The following BCKDHA variants were observed in gnomAD, a reference collection of about 807,000 sequenced individuals.
The protein encoded by BCKDHA is 2-oxoisovalerate dehydrogenase subunit alpha, mitochondrial.
In BCKDHA, 43 loss-of-function variants were observed where a neutral mutation model predicts 52.2. That is an observed-to-expected ratio of 0.82 (90% CI 0.64 to 1.06). The LOEUF (loss-of-function observed/expected upper bound fraction) is 1.06. BCKDHA is among the 50% of genes least tolerant of loss of function. The pLI is 0.00. For missense variants in BCKDHA, 527 were observed against 621.3 expected, an observed-to-expected ratio of 0.85 and a Z score of 1.61; for synonymous variants, 234 against 247.9, an observed-to-expected ratio of 0.94 and a Z score of 0.53.
At position 41,410,643 on chromosome 19, in the gene BCKDHA, C is replaced by G. The variant is rs750739703; in HGVS notation, c.115C>G (p.Pro39Ala). The change falls in exon 2 of 9, where the codon CCC becomes GCC. Residue 39 changes from proline to alanine, a missense_variant. By Grantham distance (27) the Pro-to-Ala change is conservative. Coordinates refer to ENST00000269980, the MANE Select transcript of BCKDHA (RefSeq NM_000709.4). ...GARGLARSHP[P>A]RQQQQFSSLD... ...CCTCTGCTCTCTTCCCCAGCACCCC[C>G]CCAGGCAGCAGCAGCAGTTTTCATC... 2 of 1,614,172 alleles carry G rather than the reference C, an allele frequency of 1.2e-6. No individual in the cohort carries two copies. Among genetic ancestry groups the G allele is most frequent in the Non-Finnish European group, 8.5e-7 (1 of 1,180,038 alleles).
intron 1 of BCKDHA, among the ~76,000 whole-genome samples, chr19:41,406,586 TTAGA>T (rs1198800596): frequency 1.3e-5 from 2 of 151,778 alleles, no homozygotes; most frequent in Non-Finnish European, 2.9e-5. Context: ...TTTTTTTTTT[TTAGA>T]TAGAGTCTCA....
Position 41,408,869 on chromosome 19 carries a change from A to C in BCKDHA, c.109-1768A>C, listed in dbSNP as rs374308833. ...TGGGCTCAAGTAATCCTTGAGCCCA[A>C]AGTGTTGGGATTACAGATATGAGCC... is the stretch of plus-strand genomic sequence containing the variant. On this transcript the variant is annotated intron_variant, in intron 1 of 8. Transcript: ENST00000269980. Among the ~76,000 whole-genome samples, 3 of 152,150 alleles carry C rather than the reference A, an allele frequency of 2.0e-5. No homozygotes were observed. The South Asian group carries it at 6.2e-4, about 32-fold the overall frequency.
intron 3 of BCKDHA, among the ~76,000 whole-genome samples, chr19:41,412,070 T>C (rs1388842936): frequency 6.6e-6 from 1 of 152,134 alleles, no homozygotes. Context: ...TTTGTTCCGC[T>C]TTACACATGG....
chr19:41,399,528 A>AT (rs2039113993), intron 1 of BCKDHA: 1 of 151,448 alleles, frequency 6.6e-6, no homozygotes, highest in East Asian at 1.9e-4. Context: ...CCCCTACTTC[A>AT]TTTTTGGTGG....
chr19:41,414,742 G>A (rs768057187), intron 4 of BCKDHA, among the ~76,000 whole-genome samples: 34 of 152,186 alleles, frequency 2.2e-4, no homozygotes, highest in Non-Finnish European at 4.3e-4. Flanking sequence ...GTGCCTGGGA[G>A]CGAAGGAGTG....
In BCKDHA at chr19:41,410,635, AGCACCCCCCCAG is replaced by A. The variant is rs751877248; in HGVS notation, c.111_122del (p.His37_Arg40del). On this transcript the variant is annotated splice_acceptor_variant and coding_sequence_variant, in exon 2 of 9. Transcript: ENST00000269980. LOFTEE classifies it high-confidence loss of function. ...GGTGGTCTCCTCTGCTCTCTTCCCCAGCACCCCCCCAGGCAGCAGCAGCAGTTTTCATCTCTG... is the reference window on the plus strand; with the variant it reads ...GGTGGTCTCCTCTGCTCTCTTCCCCAGCAGCAGCAGCAGTTTTCATCTCTG... The A allele has an allele frequency of 4.3e-6, 7 of 1,613,992 alleles. No homozygotes were observed. Among genetic ancestry groups the A allele is most frequent in the Middle Eastern group, 1.6e-4 (1 of 6,084 alleles).
At chr19:41,418,601 A>C (rs2122133055) in intron 4 of BCKDHA, 1 of 360,110 alleles carries the variant, frequency 2.8e-6, no homozygotes, top group Middle Eastern at 1.0e-3. Flanking sequence ...GCACGATCTC[A>C]GCTGCCTGCA....
intron 5 of BCKDHA, among the ~76,000 whole-genome samples, chr19:41,421,312 A>G (rs1002002978): frequency 2.0e-5 from 3 of 152,146 alleles, no homozygotes; most frequent in Non-Finnish European, 4.4e-5. Flanking sequence ...GGAGACGGAC[A>G]GTAACAGAGA....
intron 4 of BCKDHA, chr19:41,418,723 A>G (rs1413193348): frequency 2.4e-6 from 1 of 411,274 alleles, no homozygotes; most frequent in Non-Finnish European, 4.7e-6. Flanking sequence ...TTTTTTTTGT[A>G]GAAGCGAGGC....
intron 4 of BCKDHA, chr19:41,418,716 T>G (rs925247861): frequency 6.7e-6 from 3 of 447,518 alleles, no homozygotes; most frequent in Admixed American, 2.4e-5. Flanking sequence ...TTTTTTTTTT[T>G]TTTTGTAGAA....
At position 41,424,630 on chromosome 19, in the gene BCKDHA, C is replaced by G; in HGVS notation, c.*22C>G. The G allele has an allele frequency of 6.4e-7, 1 of 1,563,746 alleles. No individual in the cohort carries two copies. The highest frequency in any genetic ancestry group is 1.2e-5 in the South Asian group (1 of 83,416). On this transcript the variant is annotated 3_prime_UTR_variant, in exon 9 of 9. Coordinates refer to ENST00000269980, the MANE Select transcript of BCKDHA (RefSeq NM_000709.4). ...GTGAGACCTGCTCAGCCCACCCCCACCCATCCTCAGCTACCCCGAGAGGTA... is the reference window on the plus strand; with the variant it reads ...GTGAGACCTGCTCAGCCCACCCCCAGCCATCCTCAGCTACCCCGAGAGGTA...
Position 41,422,696 on chromosome 19 carries a change from C to G in BCKDHA, c.921C>G (p.Tyr307Ter). The change falls in exon 7 of 9, where the codon TAC becomes TAG. Residue 307 changes from tyrosine to a stop codon, truncating the protein, a stop_gained. Transcript: ENST00000269980. LOFTEE classifies it high-confidence loss of function. Reference protein sequence around the residue: ...RVDGNDVFAVYNATKEARRRA... With the variant: ...RVDGNDVFAV ...ATGGTAATGATGTGTTTGCCGTATA[C>G]AACGCCACAAAGGAGGCCCGACGGC... The G allele has an allele frequency of 6.2e-7, 1 of 1,614,180 alleles. No homozygotes were observed. The highest frequency in any genetic ancestry group is 8.5e-7 in the Non-Finnish European group (1 of 1,180,038).
chr19:41,410,781 C>G lies in BCKDHA; in HGVS notation c.253C>G (p.Gln85Glu). 1 of 1,614,198 alleles carries G rather than the reference C, an allele frequency of 6.2e-7. No individual in the cohort carries two copies. Among genetic ancestry groups the G allele is most frequent in the South Asian group, 1.1e-5 (1 of 91,090 alleles). ...CCCCATCTACCGCGTCATGGACCGG[C>G]AAGGCCAGATCATCAACCCCAGCGA... is the stretch of plus-strand genomic sequence containing the variant. ...GIPIYRVMDR[Q>E]GQIINPSEDP... Residue 85 changes from glutamine to glutamate, a missense_variant, in exon 2 of 9, where the codon CAA becomes GAA. Transcript: ENST00000269980.
chr19:41,420,590 CA>C (rs11300069), intron 5 of BCKDHA, among the ~76,000 whole-genome samples: 94,587 of 141,956 alleles, frequency 0.67, 31,318 homozygotes, highest in African/African-American at 0.82. Context: ...GATCCTGTCT[CA>C]AAAAAAAAAA....
chr19:41,409,100 C>CA (rs981239543), intron 1 of BCKDHA, among the ~76,000 whole-genome samples: 4 of 152,258 alleles, frequency 2.6e-5, no homozygotes, highest in Non-Finnish European at 5.9e-5. Context: ...CAGGTGTGCG[C>CA]AACCACGCCC....
At chr19:41,400,671 C>G (rs771256534) in intron 1 of BCKDHA, among the ~76,000 whole-genome samples, 1 of 152,132 alleles carries the variant, frequency 6.6e-6, no homozygotes, top group Non-Finnish European at 1.5e-5. Context: ...GCGTGAGCCA[C>G]CTTGCCTGGC....
rs61737367 is a variant in BCKDHA, at chr19:41,422,357, C to T, written c.840C>T (p.Arg280=). ...CCACGCCCACCTCTGAGCAGTATCGCGGCGATGGCATTGGTATGGGCTCTG... is the reference window on the plus strand; with the variant it reads ...CCACGCCCACCTCTGAGCAGTATCGTGGCGATGGCATTGGTATGGGCTCTG... The part of the protein sequence containing the change: ...AISTPTSEQY[R]GDGIAARGPG... Residue 280 remains arginine, a synonymous_variant, in exon 6 of 9, where the codon CGC becomes CGT. Coordinates refer to ENST00000269980, the MANE Select transcript of BCKDHA (RefSeq NM_000709.4). 2.1e-4 allele frequency: 338 copies of T among 1,614,184 alleles called. 2 individuals carry two copies. The African/African-American group carries it at 3.6e-3, about 17-fold the overall frequency.
chr19:41,405,644 C>T (rs575217463), intron 1 of BCKDHA, among the ~76,000 whole-genome samples: 2 of 152,206 alleles, frequency 1.3e-5, no homozygotes, highest in South Asian at 2.1e-4. Context: ...AGGCTGGCCT[C>T]GAACTCCTGG....
intron 7 of BCKDHA, 37 bp from the exon 8 acceptor site, chr19:41,422,961 A>G: frequency 1.4e-6 from 2 of 1,463,028 alleles, no homozygotes; most frequent in East Asian, 2.4e-5. Context: ...CACTCCAGGG[A>G]GCCCACACTG....
Sources: allele counts gnomAD v4.1 joint callset (sites outside exome capture counted in the v4.1 genomes callset), GRCh38; gene constraint gnomAD v4.1.1; transcripts MANE v1.5; gene names NCBI Gene and HGNC (gene_info 2026-07-23, HGNC 2026-07-21).